FHIT: variants seen among roughly 807,000 people sequenced by gnomAD.
FHIT encodes fragile histidine triad diadenosine triphosphatase.
Under a neutral mutation model 17.9 loss-of-function variants are expected in FHIT, and 19 were observed. The observed-to-expected ratio is 1.06, with a 90% CI of 0.74 to 1.56. The LOEUF (loss-of-function observed/expected upper bound fraction) is 1.56, where lower values mean the gene tolerates loss of function less well. Among genes scored for constraint, FHIT ranks in the 40% most tolerant of loss-of-function variants. The pLI, the probability that FHIT is intolerant of heterozygous loss-of-function variation, is 0.00. For missense variants in FHIT, 248 were observed against 189.2 expected (o/e 1.31, Z -1.82); for synonymous variants, 81 against 69.7 (o/e 1.16, Z -0.81).
At chr3:60,433,981 T>C (rs570359739) in intron 5 of FHIT, among the ~76,000 whole-genome samples, 3 of 152,232 alleles carry the variant, frequency 2.0e-5, no homozygotes, top group South Asian at 2.1e-4. Context: ...CAAGAAATTA[T>C]TGCCTAGACA....
At chr3:61,068,763 G>T (rs1210391714) in intron 2 of FHIT, among the ~76,000 whole-genome samples, 1 of 152,128 alleles carries the variant, frequency 6.6e-6, no homozygotes, top group Non-Finnish European at 1.5e-5. Context: ...AAGAGAACCA[G>T]AAGACTCTTC....
intron 4 of FHIT, among the ~76,000 whole-genome samples, chr3:60,662,956 G>A (rs910798575): frequency 2.6e-5 from 4 of 151,300 alleles, no homozygotes; most frequent in Non-Finnish European, 5.9e-5. Context: ...CCCAATGGAT[G>A]TCTAATGCTC....
At chr3:59,904,496 G>T (rs1367774762) in intron 8 of FHIT, among the ~76,000 whole-genome samples, 1 of 152,096 alleles carries the variant, frequency 6.6e-6, no homozygotes, top group African/African-American at 2.4e-5. Flanking sequence ...CCACAATCAG[G>T]AGACAAGTAG....
At chr3:60,055,463 T>TTC (rs1553666707) in intron 5 of FHIT, among the ~76,000 whole-genome samples, 6 of 151,230 alleles carry the variant, frequency 4.0e-5, no homozygotes, top group Non-Finnish European at 7.4e-5. Flanking sequence ...TTTTTTTTTT[T>TTC]CCAATTCTCA....
intron 4 of FHIT, among the ~76,000 whole-genome samples, chr3:60,580,586 A>G (rs2037719121): frequency 6.6e-6 from 1 of 152,076 alleles, no homozygotes; most frequent in Non-Finnish European, 1.5e-5. Flanking sequence ...AGCCAGCTAT[A>G]CAATAGTTGT....
chr3:60,321,161 G>T (rs213382), intron 5 of FHIT, among the ~76,000 whole-genome samples: 73,587 of 151,958 alleles, frequency 0.48, 18,236 homozygotes, highest in South Asian at 0.59. Context: ...ACCCTGCGAA[G>T]AATGGACAGG....
chr3:61,069,963 A>G (rs9850221), intron 2 of FHIT, among the ~76,000 whole-genome samples: 88,115 of 151,914 alleles, frequency 0.58, 26,309 homozygotes, highest in Non-Finnish European at 0.64. Context: ...CTAGGCTGGA[A>G]TGCAGTGGTG....
chr3:60,572,966 T>C, intron 4 of FHIT, among the ~76,000 whole-genome samples: 1 of 152,106 alleles, frequency 6.6e-6, no homozygotes, highest in East Asian at 1.9e-4. Context: ...CCCTACAAGG[T>C]AGTTCCTATT....
intron 5 of FHIT, among the ~76,000 whole-genome samples, chr3:60,141,495 C>G (rs1392112082): frequency 6.6e-6 from 1 of 151,822 alleles, no homozygotes; most frequent in African/African-American, 2.4e-5. Context: ...ACATGAGAAT[C>G]AGCCAGTAAA....
At chr3:60,151,100 T>C (rs956934589) in intron 5 of FHIT, among the ~76,000 whole-genome samples, 8 of 152,146 alleles carry the variant, frequency 5.3e-5, no homozygotes, top group African/African-American at 9.7e-5. Flanking sequence ...GAGAGAATCA[T>C]GCATCATCCA....
intron 5 of FHIT, among the ~76,000 whole-genome samples, chr3:60,252,825 C>CA (rs1705790468): frequency 7.9e-6 from 1 of 126,656 alleles, no homozygotes; most frequent in African/African-American, 3.4e-5. Context: ...CCCTTCTCAA[C>CA]TTAAAAAAAA....
At chr3:61,133,555 T>A (rs893458205) in intron 2 of FHIT, among the ~76,000 whole-genome samples, 1 of 152,164 alleles carries the variant, frequency 6.6e-6, no homozygotes, top group African/African-American at 2.4e-5. Context: ...TTCAAATAGC[T>A]TGAAACTCAG....
At chr3:59,812,989 A>T (rs1700460721) in intron 8 of FHIT, among the ~76,000 whole-genome samples, 1 of 152,134 alleles carries the variant, frequency 6.6e-6, no homozygotes. Context: ...CCTGGGTTTA[A>T]CAGTAAGTCC....
chr3:60,105,715 A>T (rs1373508995), intron 5 of FHIT, among the ~76,000 whole-genome samples: 1 of 151,742 alleles, frequency 6.6e-6, no homozygotes, highest in Non-Finnish European at 1.5e-5. Context: ...CAGCTTTCAC[A>T]CCCAAATTTC....
At chr3:60,428,820 C>A (rs895818161) in intron 5 of FHIT, among the ~76,000 whole-genome samples, 1 of 152,070 alleles carries the variant, frequency 6.6e-6, no homozygotes, top group Non-Finnish European at 1.5e-5. Flanking sequence ...AATTTTCTTA[C>A]GGGAGAGAGG....
chr3:61,203,967 C>T (rs751784090), intron 1 of FHIT, among the ~76,000 whole-genome samples: 20 of 152,086 alleles, frequency 1.3e-4, no homozygotes, highest in Non-Finnish European at 2.5e-4. Context: ...ATCAGCAATA[C>T]GATAAACACT....
Position 60,856,695 on chromosome 3 carries a change from C to T in FHIT, c.-110-34684G>A, listed in dbSNP as rs1312441724. 5 of 152,280 alleles carry T rather than the reference C, an allele frequency of 3.3e-5. No individual in the cohort carries two copies. The East Asian group carries it at 9.7e-4, about 29-fold the overall frequency. The allele number at this position is 152,280 out of a possible 1,614,324, so 9.4% of individuals were successfully genotyped here. A position where few individuals can be genotyped will look rare whatever the true frequency, so the allele number is the denominator to read the frequency against. ...TCACTACTGCTTCCATGATAAGATC[C>T]TAAAACCTTGTCACAATCCACAAGG... On this transcript the variant is annotated intron_variant, in intron 3 of 9. Transcript: ENST00000492590.
intron 4 of FHIT, among the ~76,000 whole-genome samples, chr3:60,671,777 TAAA>T (rs11427587): frequency 7.2e-6 from 1 of 139,360 alleles, no homozygotes; most frequent in Non-Finnish European, 1.5e-5. Context: ...CCATCTCTAC[TAAA>T]AAAAAAAAAA....
intron 5 of FHIT, among the ~76,000 whole-genome samples, chr3:60,204,331 G>A (rs439531): frequency 0.91 from 138,386 of 152,250 alleles, 63,099 homozygotes; most frequent in East Asian, 1. Flanking sequence ...GTACAGTAGC[G>A]TGATNTCAGC....
Sources: gnomAD v4.1 joint callset for allele counts (sites outside exome capture counted in the v4.1 genomes callset) on GRCh38, gnomAD v4.1.1 for gene constraint, MANE v1.5 for transcripts, NCBI Gene and HGNC (gene_info 2026-07-23, HGNC 2026-07-21) for gene names.